Variants in TSHZ1 observed in about 807,000 individuals in gnomAD.
TSHZ1 encodes teashirt homolog 1.
TSHZ1 carries 12 observed loss-of-function variants against 67.1 expected under a neutral mutation model. That is an observed-to-expected ratio of 0.18 (90% confidence interval 0.11 to 0.29). The LOEUF (loss-of-function observed/expected upper bound fraction) is 0.29. TSHZ1 is among the 10% of genes least tolerant of loss of function. TSHZ1 has a pLI of 1.00. For synonymous variants in TSHZ1, 632 were observed against 622.4 expected (o/e 1.02, Z -0.23); for missense variants, 1,305 against 1,413.9 (o/e 0.92, Z 1.23).
At chr18:75,274,161 G>A (rs1243755288) in intron 1 of TSHZ1, among the ~76,000 whole-genome samples, 5 of 152,176 alleles carry the variant, frequency 3.3e-5, no homozygotes, top group African/African-American at 4.8e-5. Flanking sequence ...CAGGAAGGGT[G>A]GGGGAGTGAT....
intron 1 of TSHZ1, among the ~76,000 whole-genome samples, chr18:75,274,127 C>T (rs1221062719): frequency 2.0e-5 from 3 of 152,164 alleles, no homozygotes; most frequent in Admixed American, 1.3e-4. Flanking sequence ...CACACTGTCA[C>T]ATTCTGCACC....
At chr18:75,249,038 C>G (rs1393749459) in intron 1 of TSHZ1, among the ~76,000 whole-genome samples, 1 of 152,174 alleles carries the variant, frequency 6.6e-6, no homozygotes, top group Non-Finnish European at 1.5e-5. Context: ...GGATGGGAGC[C>G]CCAGATCTGG....
chr18:75,289,925 C>T lies in TSHZ1; in HGVS notation c.*1284C>T. 2 of 167,142 alleles carry T rather than the reference C, an allele frequency of 1.2e-5. No individual in the cohort carries two copies. The allele number at this position is 167,142 out of a possible 1,614,324, so 10.4% of individuals were successfully genotyped here. ...TGTTTTCTCAGATGTAAAATAAACC[C>T]ACATGCAGTTCTTGATTTACACGGA... On this transcript the variant is annotated 3_prime_UTR_variant, in exon 2 of 2. Transcript: ENST00000580243.
intron 1 of TSHZ1, among the ~76,000 whole-genome samples, chr18:75,272,064 TGTTGCCAG>T (rs2023565043): frequency 1.3e-5 from 2 of 152,226 alleles, no homozygotes; most frequent in South Asian, 4.1e-4. Flanking sequence ...TCCATTCCAA[TGTTGCCAG>T]CAGGGATGAA....
At chr18:75,262,530 G>A (rs1464511306) in intron 1 of TSHZ1, among the ~76,000 whole-genome samples, 1 of 152,176 alleles carries the variant, frequency 6.6e-6, no homozygotes, top group Non-Finnish European at 1.5e-5. Context: ...CTCTTGGCTA[G>A]GACCATCAGG....
intron 1 of TSHZ1, among the ~76,000 whole-genome samples, chr18:75,251,029 C>G (rs2404872): frequency 0.59 from 90,272 of 152,076 alleles, 26,877 homozygotes; most frequent in South Asian, 0.71. Flanking sequence ...ACCACACTCT[C>G]CTATTTTTGT....
In TSHZ1 at chr18:75,286,575, G is replaced by A. The variant is rs145008445; in HGVS notation, c.1168G>A (p.Val390Ile). 829 of 1,614,096 alleles carry A rather than the reference G, an allele frequency of 5.1e-4. No homozygotes were observed. Among genetic ancestry groups the A allele is most frequent in the Non-Finnish European group, 6.6e-4 (782 of 1,180,050 alleles). The change falls in exon 2 of 2, where the codon GTC becomes ATC. Residue 390 changes from valine to isoleucine, a missense_variant. Around this residue, in one of 3 missense-constraint regions of TSHZ1, gnomAD observed 909 missense variants for 961.8 expected, o/e 0.95. Transcript: ENST00000580243. The surrounding 1 kb of genome is among the most constrained non-coding windows in gnomAD (Gnocchi z 5.1). The part of the protein sequence containing the change: ...AKDQKAANPY[V>I]TPNNRYGYQN... ...GGATCAGAAAGCAGCGAACCCGTAC[G>A]TCACGCCCAATAACCGCTATGGCTA... is the stretch of plus-strand genomic sequence containing the variant.
In TSHZ1 at chr18:75,278,629, G is replaced by A. The variant is rs573716815; in HGVS notation, c.41-6819G>A. Among the ~76,000 whole-genome samples, 41 of 152,158 alleles carry A rather than the reference G, an allele frequency of 2.7e-4. 1 individual carries two copies. The highest frequency in any genetic ancestry group is 9.6e-4 in the African/African-American group (40 of 41,500). ...GACTCAGCGCACCGTGAAAGACCGG[G>A]GGTGGAGGGAGGCAGAGGCTGCTTG... On this transcript the variant is annotated intron_variant, in intron 1 of 1. Transcript: ENST00000580243.
intron 1 of TSHZ1, among the ~76,000 whole-genome samples, chr18:75,232,654 A>C (rs1215911786): frequency 6.6e-6 from 1 of 152,224 alleles, no homozygotes; most frequent in Non-Finnish European, 1.5e-5. Flanking sequence ...ACTCCAGGTA[A>C]ACCCTGAAGG....
At chr18:75,246,534 G>A (rs1036097594) in intron 1 of TSHZ1, among the ~76,000 whole-genome samples, 12 of 151,820 alleles carry the variant, frequency 7.9e-5, no homozygotes, top group Non-Finnish European at 1.6e-4. Flanking sequence ...TTGATTGCCT[G>A]CAAGCTCACA....
chr18:75,260,926 A>G (rs946218540), intron 1 of TSHZ1, among the ~76,000 whole-genome samples: 7 of 152,060 alleles, frequency 4.6e-5, no homozygotes, highest in Non-Finnish European at 8.8e-5. Flanking sequence ...CTCTAATGTC[A>G]AAGGAAAATG....
At chr18:75,278,900 A>G (rs913320764) in intron 1 of TSHZ1, among the ~76,000 whole-genome samples, 2 of 152,112 alleles carry the variant, frequency 1.3e-5, no homozygotes, top group African/African-American at 4.8e-5. Context: ...AGTCAGTCAC[A>G]GGTTTAATAT....
At chr18:75,262,842 G>A (rs1446033940) in intron 1 of TSHZ1, among the ~76,000 whole-genome samples, 5 of 152,106 alleles carry the variant, frequency 3.3e-5, no homozygotes, top group South Asian at 2.1e-4. Context: ...TTCCATCTGT[G>A]CCCTGTACAT....
intron 1 of TSHZ1, among the ~76,000 whole-genome samples, chr18:75,249,302 T>C (rs1283885275): frequency 2.6e-5 from 4 of 152,252 alleles, no homozygotes; most frequent in African/African-American, 9.6e-5. Flanking sequence ...CACGGGGTCC[T>C]GGGGAGAGGA....
chr18:75,250,123 G>A (rs531896200), intron 1 of TSHZ1, among the ~76,000 whole-genome samples: 5 of 137,784 alleles, frequency 3.6e-5, no homozygotes, highest in Non-Finnish European at 7.8e-5. Flanking sequence ...TGACCTCCCC[G>A]TCTGACCCCT....
chr18:75,214,842 G>A (rs1484714670), intron 1 of TSHZ1, among the ~76,000 whole-genome samples: 1 of 152,160 alleles, frequency 6.6e-6, no homozygotes, highest in Non-Finnish European at 1.5e-5. Flanking sequence ...CTGTAAACCT[G>A]ATGGATTTGT....
intron 1 of TSHZ1, among the ~76,000 whole-genome samples, chr18:75,221,695 A>G (rs1422665591): frequency 6.6e-6 from 1 of 152,244 alleles, no homozygotes; most frequent in Non-Finnish European, 1.5e-5. Flanking sequence ...TAAACTGTGT[A>G]ATACTCTATA....
At position 75,286,691 on chromosome 18, in the gene TSHZ1, G is replaced by A. The variant is rs777836164; in HGVS notation, c.1284G>A (p.Leu428=). 6.2e-7 allele frequency: 1 copy of A among 1,614,118 alleles called. No individual in the cohort carries two copies. The highest frequency in any genetic ancestry group is 8.5e-7 in the Non-Finnish European group (1 of 1,180,040). The stretch of plus-strand genomic sequence containing the variant: ...AGTGTGGCAGCTCCCACGACACGCT[G>A]CAGCAGCTCACCGCCCACATGATGG... The part of the protein sequence containing the change: ...CMECGSSHDT[L]QQLTAHMMVT... The change falls in exon 2 of 2, where the codon CTG becomes CTA. Residue 428 remains leucine, a synonymous_variant. Transcript: ENST00000580243. The surrounding 1 kb of genome is among the most constrained non-coding windows in gnomAD (Gnocchi z 5.1).
intron 1 of TSHZ1, among the ~76,000 whole-genome samples, chr18:75,219,244 G>T (rs1401531747): frequency 1.3e-5 from 2 of 152,140 alleles, no homozygotes; most frequent in African/African-American, 2.4e-5. Flanking sequence ...TTTAATAAAA[G>T]GTGTAGCTGG....
Sources: allele counts gnomAD v4.1 joint callset (sites outside exome capture counted in the v4.1 genomes callset), GRCh38; gene constraint gnomAD v4.1.1; regional missense constraint gnomAD v4.1.1; non-coding constraint Gnocchi (gnomAD v3.1); transcripts MANE v1.5; gene names NCBI Gene and HGNC (gene_info 2026-07-23, HGNC 2026-07-21).